Variants in CSMD1 observed in about 807,000 individuals in gnomAD.
CSMD1 encodes CUB and sushi domain-containing protein 1.
Under a neutral mutation model 417.5 loss-of-function variants are expected in CSMD1, and 213 were observed. That is an observed-to-expected ratio of 0.51 (90% CI 0.46 to 0.57). The LOEUF is 0.57. CSMD1 is among the 20% of genes least tolerant of loss of function. The pLI is 0.00. For synonymous variants in CSMD1, 2,862 were observed against 1,736.8 expected (o/e 1.65, Z -16.11); for missense variants, 6,923 against 4,529.7 (o/e 1.53, Z -15.17).
chr8:4,416,527 G>A (rs1298886909), intron 3 of CSMD1, among the ~76,000 whole-genome samples: 1 of 152,056 alleles, frequency 6.6e-6, no homozygotes, highest in African/African-American at 2.4e-5. Context: ...GAGTCTAAGA[G>A]TTTTGATAAT....
intron 3 of CSMD1, among the ~76,000 whole-genome samples, chr8:4,374,622 G>A (rs1802604854): frequency 6.6e-6 from 1 of 152,144 alleles, no homozygotes; most frequent in South Asian, 2.1e-4. Flanking sequence ...CTGAAAGCCA[G>A]GAGCATGAAG....
intron 2 of CSMD1, among the ~76,000 whole-genome samples, chr8:4,471,178 A>C (rs1473127783): frequency 1.3e-5 from 2 of 152,206 alleles, no homozygotes; most frequent in Non-Finnish European, 2.9e-5. Flanking sequence ...ACTGGATTTA[A>C]TTCCAACAAC....
intron 2 of CSMD1, among the ~76,000 whole-genome samples, chr8:4,503,992 A>C (rs562874035): frequency 3.9e-5 from 6 of 152,194 alleles, no homozygotes; most frequent in African/African-American, 1.4e-4. Context: ...AAAGAAAAAA[A>C]AAGGAAATCA....
chr8:3,942,848 G>T (rs947141151), intron 5 of CSMD1, among the ~76,000 whole-genome samples: 1 of 152,048 alleles, frequency 6.6e-6, no homozygotes. Flanking sequence ...CTATAGTATC[G>T]TCCCACAAAT....
chr8:4,603,820 A>G (rs1055305330), intron 2 of CSMD1, among the ~76,000 whole-genome samples: 1 of 152,198 alleles, frequency 6.6e-6, no homozygotes, highest in Admixed American at 6.5e-5. Context: ...AAAGCAGCAC[A>G]CATTTTAAAT....
chr8:4,090,597 A>C (rs1387727608), intron 3 of CSMD1, among the ~76,000 whole-genome samples: 1 of 152,236 alleles, frequency 6.6e-6, no homozygotes, highest in Non-Finnish European at 1.5e-5. Flanking sequence ...CTGACCTTCA[A>C]GTGTGATACA....
chr8:4,450,704 G>C (rs1345914751), intron 2 of CSMD1, among the ~76,000 whole-genome samples: 1 of 152,102 alleles, frequency 6.6e-6, no homozygotes, highest in East Asian at 1.9e-4. Flanking sequence ...ACACATCACA[G>C]AGTTTTAATA....
chr8:3,239,478 ATT>A (rs1195105001), intron 26 of CSMD1, among the ~76,000 whole-genome samples: 1 of 152,162 alleles, frequency 6.6e-6, no homozygotes, highest in African/African-American at 2.4e-5. Flanking sequence ...ACCAAGAGGT[ATT>A]TTAGTTTGCT....
chr8:4,608,340 G>C (rs1800992174), intron 2 of CSMD1, among the ~76,000 whole-genome samples: 1 of 152,338 alleles, frequency 6.6e-6, no homozygotes, highest in East Asian at 1.9e-4. Flanking sequence ...CCCTGACCCA[G>C]GTAGCCACGG....
intron 5 of CSMD1, among the ~76,000 whole-genome samples, chr8:3,926,540 G>C (rs1279712379): frequency 1.3e-5 from 2 of 151,286 alleles, no homozygotes; most frequent in African/African-American, 4.9e-5. Context: ...GCAAATAATT[G>C]TTTCTTTTTT....
At position 4,177,079 on chromosome 8, in the gene CSMD1, C is replaced by T. The variant is rs1033788969; in HGVS notation, c.416-144980G>A. 2.6e-5 allele frequency among the ~76,000 whole-genome samples: 4 copies of T among 152,120 alleles called. No individual in the cohort carries two copies. In the East Asian group the frequency reaches 7.7e-4, roughly 29 times the overall value. ...TGAACTCATCTCTGCACCAAGCGGA[C>T]CTAATAGACATCTACAGAACTCTCC... On this transcript the variant is annotated intron_variant, in intron 3 of 69. Transcript: ENST00000635120.
intron 1 of CSMD1, among the ~76,000 whole-genome samples, chr8:4,778,527 G>A (rs1352519833): frequency 6.6e-6 from 1 of 152,158 alleles, no homozygotes; most frequent in African/African-American, 2.4e-5. Flanking sequence ...TAAGCATACA[G>A]CAAATCATAA....
At chr8:3,817,130 A>G (rs1156400258) in intron 5 of CSMD1, among the ~76,000 whole-genome samples, 1 of 151,986 alleles carries the variant, frequency 6.6e-6, no homozygotes, top group Non-Finnish European at 1.5e-5. Context: ...AGAGCTCTTC[A>G]TGATGAAGGG....
intron 7 of CSMD1, among the ~76,000 whole-genome samples, chr8:3,691,726 C>T (rs967264764): frequency 2.0e-5 from 3 of 151,924 alleles, no homozygotes; most frequent in Non-Finnish European, 2.9e-5. Flanking sequence ...TAAATATTAT[C>T]GCTATTTTAG....
intron 5 of CSMD1, among the ~76,000 whole-genome samples, chr8:3,935,338 G>T (rs1020294571): frequency 2.0e-5 from 3 of 152,114 alleles, no homozygotes; most frequent in African/African-American, 7.2e-5. Flanking sequence ...GTGATACTTG[G>T]TTGTTTCACT....
At chr8:3,301,206 C>G (rs577664186) in intron 25 of CSMD1, among the ~76,000 whole-genome samples, 2 of 151,190 alleles carry the variant, frequency 1.3e-5, no homozygotes, top group East Asian at 1.9e-4. Flanking sequence ...ATAAAACAAA[C>G]CATATTGTTT....
chr8:4,873,326 C>G (rs922762359), intron 1 of CSMD1, among the ~76,000 whole-genome samples: 1 of 152,062 alleles, frequency 6.6e-6, no homozygotes, highest in Non-Finnish European at 1.5e-5. Flanking sequence ...CCATTCCAAA[C>G]AGTGAGATAT....
chr8:4,819,532 G>T (rs145576227), intron 1 of CSMD1, among the ~76,000 whole-genome samples: 1 of 152,066 alleles, frequency 6.6e-6, no homozygotes, highest in Admixed American at 6.6e-5. Context: ...ATTTTCCCTT[G>T]TGTTAGAATC....
chr8:4,988,858 A>G (rs1027241729), intron 1 of CSMD1, among the ~76,000 whole-genome samples: 1 of 152,230 alleles, frequency 6.6e-6, no homozygotes, highest in African/African-American at 2.4e-5. Flanking sequence ...TATTTCCATA[A>G]AGCTCCCTAT....
Sources: gnomAD v4.1 joint callset for allele counts (sites outside exome capture counted in the v4.1 genomes callset) on GRCh38, gnomAD v4.1.1 for gene constraint, MANE v1.5 for transcripts, NCBI Gene and HGNC (gene_info 2026-07-23, HGNC 2026-07-21) for gene names.